The following CDIN1 variants were observed in gnomAD, a reference collection of about 807,000 sequenced individuals.
CDIN1 encodes CDAN1 interacting nuclease 1.
In CDIN1, 33 loss-of-function variants were observed where a neutral mutation model predicts 45.3. The ratio of observed to expected loss-of-function variants is 0.73; its 90% CI spans 0.55 to 0.97. CDIN1 has a LOEUF of 0.97. Ranked by LOEUF, CDIN1 falls within the 50% of genes least tolerant of loss-of-function variation. The probability of loss-of-function intolerance (pLI) is 0.00; values close to 1 mark genes in which losing one functional copy is unlikely to be tolerated. For missense variants in CDIN1, 303 were observed against 339.4 expected, an observed-to-expected ratio of 0.89 and a Z score of 0.84; for synonymous variants, 118 against 124.4, an observed-to-expected ratio of 0.95 and a Z score of 0.34.
chr15:36,596,208 G>A (rs2037825933), intron 1 of CDIN1, among the ~76,000 whole-genome samples: 1 of 150,070 alleles, frequency 6.7e-6, no homozygotes, highest in Non-Finnish European at 1.5e-5. Flanking sequence ...TTTTAAAGAA[G>A]TTTTGGATTA....
chr15:36,703,219 A>T (rs982124294), intron 8 of CDIN1, among the ~76,000 whole-genome samples: 1 of 57,364 alleles, frequency 1.7e-5, no homozygotes, highest in Non-Finnish European at 3.4e-5. Flanking sequence ...CCCTGTCTCA[A>T]ATATATATAT....
chr15:36,755,296 A>G (rs1397593941), intron 10 of CDIN1, among the ~76,000 whole-genome samples: 2 of 152,064 alleles, frequency 1.3e-5, no homozygotes, highest in African/African-American at 4.8e-5. Context: ...CACAACCATC[A>G]CCCGGGCACC....
chr15:36,643,178 T>C (rs1247265486), intron 1 of CDIN1, among the ~76,000 whole-genome samples: 1 of 152,232 alleles, frequency 6.6e-6, no homozygotes, highest in Non-Finnish European at 1.5e-5. Flanking sequence ...TCAGTTTCCT[T>C]GGCAAACATT....
chr15:36,726,411 C>T (rs532382637), intron 10 of CDIN1, among the ~76,000 whole-genome samples: 1 of 152,108 alleles, frequency 6.6e-6, no homozygotes, highest in African/African-American at 2.4e-5. Flanking sequence ...TGACAGCCCC[C>T]CATCCTGCTC....
At chr15:36,587,841 C>G (rs978938678) in intron 1 of CDIN1, among the ~76,000 whole-genome samples, 1 of 152,140 alleles carries the variant, frequency 6.6e-6, no homozygotes, top group Non-Finnish European at 1.5e-5. Context: ...AGCAGGATAT[C>G]AAACCCAAGT....
chr15:36,760,943 T>C (rs1253247259), intron 10 of CDIN1, among the ~76,000 whole-genome samples: 1 of 152,230 alleles, frequency 6.6e-6, no homozygotes, highest in Non-Finnish European at 1.5e-5. Context: ...CTCAGCACCC[T>C]GGCCCAAGTC....
intron 3 of CDIN1, among the ~76,000 whole-genome samples, chr15:36,653,235 G>A (rs977798816): frequency 6.6e-6 from 1 of 152,120 alleles, no homozygotes; most frequent in African/African-American, 2.4e-5. Flanking sequence ...TTATATGGTA[G>A]TGGATCGAAG....
chr15:36,740,052 G>C (rs568978473), intron 10 of CDIN1, among the ~76,000 whole-genome samples: 1 of 152,300 alleles, frequency 6.6e-6, no homozygotes, highest in African/African-American at 2.4e-5. Flanking sequence ...TGTTGAAAAT[G>C]CTCTCCAAAC....
chr15:36,802,360 CA>C (rs1271889151), intron 10 of CDIN1, among the ~76,000 whole-genome samples: 1 of 152,128 alleles, frequency 6.6e-6, no homozygotes, highest in African/African-American at 2.4e-5. Context: ...TCTTTATAGA[CA>C]TAATGATTGG....
At chr15:36,784,213 C>T (rs1199268044) in intron 10 of CDIN1, among the ~76,000 whole-genome samples, 2 of 152,062 alleles carry the variant, frequency 1.3e-5, no homozygotes, top group African/African-American at 2.4e-5. Flanking sequence ...TACCGGCTTA[C>T]AGGAGAGATT....
At chr15:36,618,348 G>C in intron 1 of CDIN1, 1 of 680,360 alleles carries the variant, frequency 1.5e-6, no homozygotes. Flanking sequence ...TGGGGATTAG[G>C]AGCAAACTTA....
intron 3 of CDIN1, among the ~76,000 whole-genome samples, chr15:36,649,218 A>G (rs992741065): frequency 1.3e-5 from 2 of 152,198 alleles, no homozygotes; most frequent in African/African-American, 4.8e-5. Context: ...TGCAGTTTTC[A>G]CACTGGTATA....
chr15:36,619,847 C>T (rs1458879858), intron 1 of CDIN1, among the ~76,000 whole-genome samples: 6 of 151,618 alleles, frequency 4.0e-5, no homozygotes, highest in East Asian at 3.9e-4. Context: ...TGTACAAGAG[C>T]GATTGAAGCA....
At chr15:36,614,414 G>A (rs2038790746) in intron 1 of CDIN1, among the ~76,000 whole-genome samples, 1 of 152,138 alleles carries the variant, frequency 6.6e-6, no homozygotes, top group Non-Finnish European at 1.5e-5. Flanking sequence ...AGCACCTTTG[G>A]AAACAACATT....
At chr15:36,595,386 C>T (rs2037772974) in intron 1 of CDIN1, among the ~76,000 whole-genome samples, 1 of 150,220 alleles carries the variant, frequency 6.7e-6, no homozygotes, top group Non-Finnish European at 1.5e-5. Flanking sequence ...GCCCACTGTA[C>T]CTAGAAGGAA....
At chr15:36,604,729 T>C (rs1294297288) in intron 1 of CDIN1, among the ~76,000 whole-genome samples, 2 of 152,160 alleles carry the variant, frequency 1.3e-5, no homozygotes, top group Admixed American at 6.6e-5. Flanking sequence ...AAAGAATTTA[T>C]ATATGAAGAA....
intron 3 of CDIN1, among the ~76,000 whole-genome samples, chr15:36,649,009 T>C (rs1004527308): frequency 6.6e-6 from 1 of 152,196 alleles, no homozygotes; most frequent in Non-Finnish European, 1.5e-5. Flanking sequence ...AAAAGTTTAA[T>C]TTGAGGTTGT....
At chr15:36,746,278 ATAG>A (rs2044426483) in intron 10 of CDIN1, among the ~76,000 whole-genome samples, 1 of 152,148 alleles carries the variant, frequency 6.6e-6, no homozygotes, top group African/African-American at 2.4e-5. Flanking sequence ...GGGAGTGGAA[ATAG>A]TAGAGAGAAA....
intron 10 of CDIN1, among the ~76,000 whole-genome samples, chr15:36,797,333 A>T (rs1385704386): frequency 6.6e-6 from 1 of 152,230 alleles, no homozygotes; most frequent in Non-Finnish European, 1.5e-5. Flanking sequence ...ATGTTTTTAC[A>T]ACCTTATCTT....
Sources: gnomAD v4.1 joint callset for allele counts (sites outside exome capture counted in the v4.1 genomes callset) on GRCh38, gnomAD v4.1.1 for gene constraint, MANE v1.5 for transcripts, NCBI Gene and HGNC (gene_info 2026-07-23, HGNC 2026-07-21) for gene names.